The following PPFIBP2 variants were observed in gnomAD, a reference collection of about 807,000 sequenced individuals.
PPFIBP2 encodes liprin-beta-2.
A neutral mutation model predicts 118.3 loss-of-function variants in PPFIBP2; 118 were observed. The ratio of observed to expected loss-of-function variants is 1.00; its 90% confidence interval spans 0.86 to 1.16. PPFIBP2 has a LOEUF of 1.16. PPFIBP2 is among the 50% of genes most tolerant of loss of function. PPFIBP2 has a pLI of 0.00. For synonymous variants in PPFIBP2, 414 were observed against 397.4 expected, an observed-to-expected ratio of 1.04 and a Z score of -0.50; for missense variants, 1,195 against 1,073.1, an observed-to-expected ratio of 1.11 and a Z score of -1.59.
Position 7,565,631 on chromosome 11 carries a change from T to G in PPFIBP2, c.143T>G (p.Phe48Cys). The change falls in exon 3 of 24, where the codon TTC becomes TGC. Residue 48 changes from phenylalanine (F) to cysteine (C), a missense_variant. By Grantham distance (205) the Phe-to-Cys change is radical. Coordinates refer to ENST00000299492, the MANE Select transcript of PPFIBP2 (RefSeq NM_003621.5). ...TCCCCGGCCTCCTACATGAACCCCTTCCCGGTGCTCCATCTCATCGAGGAC... is the reference window on the plus strand; with the variant it reads ...TCCCCGGCCTCCTACATGAACCCCTGCCCGGTGCTCCATCTCATCGAGGAC... ...LASPASYMNPFPVLHLIEDLR... is the reference protein window; with the variant it reads ...LASPASYMNPCPVLHLIEDLR... The G allele has an allele frequency of 6.2e-7, 1 of 1,614,174 alleles. No individual in the cohort carries two copies.
intron 15 of PPFIBP2, among the ~76,000 whole-genome samples, 182 bp downstream of exon 15, chr11:7,640,052 T>C (rs2135877968): frequency 6.6e-6 from 1 of 152,302 alleles, no homozygotes; most frequent in East Asian, 1.9e-4. Context: ...GGGCGAGCTG[T>C]TTTCTAAGGT....
At chr11:7,563,784 G>C (rs1427194799) in intron 2 of PPFIBP2, among the ~76,000 whole-genome samples, 1 of 152,190 alleles carries the variant, frequency 6.6e-6, no homozygotes, top group Admixed American at 6.5e-5. Context: ...TTGTTAGACT[G>C]TTGCCCCAGT....
chr11:7,588,882 G>C (rs1308079296), intron 3 of PPFIBP2, among the ~76,000 whole-genome samples: 1 of 152,144 alleles, frequency 6.6e-6, no homozygotes, highest in Non-Finnish European at 1.5e-5. Context: ...GTTTCACTGT[G>C]GCATTCTTTA....
intron 7 of PPFIBP2, among the ~76,000 whole-genome samples, 170 bp from the exon 8 acceptor site, chr11:7,625,607 C>T (rs1849889751): frequency 6.6e-6 from 1 of 152,246 alleles, no homozygotes; most frequent in African/African-American, 2.4e-5. Flanking sequence ...TGAGTTCACT[C>T]AGCAGAGTTC....
chr11:7,652,186 C>A (rs4758010), intron 23 of PPFIBP2, among the ~76,000 whole-genome samples: 44,257 of 152,220 alleles, frequency 0.29, 6,888 homozygotes, highest in East Asian at 0.49. Context: ...TTCGGTCAGG[C>A]CTGCCTGCGT....
intron 2 of PPFIBP2, among the ~76,000 whole-genome samples, chr11:7,558,684 A>G (rs1853935613): frequency 6.6e-6 from 1 of 151,846 alleles, no homozygotes; most frequent in African/African-American, 2.4e-5. Context: ...GGAACCTGGG[A>G]GGCGGAGGTT....
intron 2 of PPFIBP2, among the ~76,000 whole-genome samples, chr11:7,560,626 G>A (rs943577531): frequency 2.6e-5 from 4 of 152,086 alleles, no homozygotes; most frequent in Non-Finnish European, 5.9e-5. Context: ...CTTTGACTAC[G>A]TGTCTGGTTA....
At chr11:7,642,072 C>A (rs543971029) in intron 16 of PPFIBP2, 140 of 513,948 alleles carry the variant, frequency 2.7e-4, no homozygotes, top group Non-Finnish European at 4.4e-4. Flanking sequence ...TTTGCTTTGA[C>A]TTCTATGGCA....
chr11:7,661,347 GTC>G (rs1435996837), downstream of PPFIBP2, among the ~76,000 whole-genome samples: 3 of 150,646 alleles, frequency 2.0e-5, no homozygotes, highest in Non-Finnish European at 4.4e-5. Flanking sequence ...GGTATGTTGT[GTC>G]TCTGTTCTCG....
At chr11:7,555,522 C>T (rs959282768) in intron 2 of PPFIBP2, among the ~76,000 whole-genome samples, 2 of 152,204 alleles carry the variant, frequency 1.3e-5, no homozygotes, top group East Asian at 3.8e-4. Context: ...ATCTTGTCCC[C>T]GGCTTCTCTG....
At chr11:7,532,671 C>T (rs999957993) in intron 1 of PPFIBP2, among the ~76,000 whole-genome samples, 5 of 152,240 alleles carry the variant, frequency 3.3e-5, no homozygotes, top group Admixed American at 6.5e-5. Flanking sequence ...TAATACCCTC[C>T]AGCCCAGGCC....
intron 1 of PPFIBP2, among the ~76,000 whole-genome samples, chr11:7,518,507 G>A (rs1038192099): frequency 6.6e-6 from 1 of 152,118 alleles, no homozygotes. Context: ...GGGAGTCCTG[G>A]TTGGGGACTG....
At chr11:7,639,950 TA>T in intron 15 of PPFIBP2, 80 bp downstream of exon 15, 1 of 1,510,374 alleles carries the variant, frequency 6.6e-7, no homozygotes, top group Non-Finnish European at 8.8e-7. Context: ...TCCCTGCACC[TA>T]CCACCACAAT....
downstream of PPFIBP2, chr11:7,655,399 A>G (rs1010929016): frequency 6.2e-6 from 8 of 1,281,748 alleles, no homozygotes; most frequent in Admixed American, 1.6e-4. Flanking sequence ...AGCTGCATCC[A>G]TGTGTGCTGA....
chr11:7,625,856 C>G lies in PPFIBP2; in HGVS notation c.791C>G (p.Thr264Arg). Residue 264 changes from threonine (T) to arginine (R), a missense_variant, in exon 8 of 24, where the codon ACA becomes AGA. Physicochemically the swap from Thr to Arg is moderately conservative, Grantham distance 71. Coordinates refer to ENST00000299492, the MANE Select transcript of PPFIBP2 (RefSeq NM_003621.5). The part of the protein sequence containing the change: ...IERLHSQLSR[T>R]AALHSESHTE... Reference sequence around the variant, plus strand: ...CGTCTGCACAGCCAGCTCTCCCGGACAGCAGCTCTCCACAGTGAGAGTCAC... The same window carrying G: ...CGTCTGCACAGCCAGCTCTCCCGGAGAGCAGCTCTCCACAGTGAGAGTCAC... 1.2e-6 allele frequency: 2 copies of G among 1,614,240 alleles called. No homozygotes were observed. Among genetic ancestry groups the G allele is most frequent in the Non-Finnish European group, 1.7e-6 (2 of 1,180,032 alleles).
chr11:7,545,669 G>T (rs1055542451), intron 1 of PPFIBP2, among the ~76,000 whole-genome samples: 6 of 142,054 alleles, frequency 4.2e-5, no homozygotes, highest in African/African-American at 1.7e-4. Context: ...TGTCCTCCAA[G>T]GATAAGGGGG....
At chr11:7,579,029 G>A (rs1299909312) in intron 3 of PPFIBP2, among the ~76,000 whole-genome samples, 1 of 151,474 alleles carries the variant, frequency 6.6e-6, no homozygotes, top group Non-Finnish European at 1.5e-5. Context: ...GCAGGGAAGT[G>A]ACATGGGATA....
chr11:7,649,787 T>A, intron 21 of PPFIBP2, 133 bp downstream of exon 21: 2 of 1,361,084 alleles, frequency 1.5e-6, no homozygotes, highest in Non-Finnish European at 2.0e-6. Flanking sequence ...TTTTGTTTGC[T>A]TGTGCTTCCT....
chr11:7,571,474 G>C (rs1235528276), intron 3 of PPFIBP2, among the ~76,000 whole-genome samples: 2 of 152,124 alleles, frequency 1.3e-5, no homozygotes, highest in African/African-American at 4.8e-5. Context: ...ATGTGAGCTT[G>C]AATTTTTTTA....
Sources: allele counts gnomAD v4.1 joint callset (sites outside exome capture counted in the v4.1 genomes callset), GRCh38; gene constraint gnomAD v4.1.1; transcripts MANE v1.5; gene names NCBI Gene and HGNC (gene_info 2026-07-23, HGNC 2026-07-21).